DLG2: variants seen among roughly 807,000 people sequenced by gnomAD.
DLG2 encodes disks large homolog 2.
In DLG2, 45 loss-of-function variants were observed where a neutral mutation model predicts 132.5. That is an observed-to-expected ratio of 0.34 (90% CI 0.27 to 0.44). The LOEUF is 0.44. Ranked by LOEUF, DLG2 falls within the 20% of genes least tolerant of loss-of-function variation. The pLI is 1.00. For synonymous variants in DLG2, 424 were observed against 419.6 expected, an observed-to-expected ratio of 1.01 and a Z score of -0.13; for missense variants, 1,045 against 1,196.9, an observed-to-expected ratio of 0.87 and a Z score of 1.87.
intron 3 of DLG2, among the ~76,000 whole-genome samples, chr11:85,466,128 C>A (rs2092779951): frequency 6.6e-6 from 1 of 152,164 alleles, no homozygotes. Flanking sequence ...CTGTTAATAT[C>A]CTTTGCCCAC....
At chr11:84,155,068 G>GA (rs1273260609) in intron 9 of DLG2, among the ~76,000 whole-genome samples, 1 of 152,012 alleles carries the variant, frequency 6.6e-6, no homozygotes, top group African/African-American at 2.4e-5. Flanking sequence ...AAATTTACAA[G>GA]AAAAAAACAA....
intron 12 of DLG2, among the ~76,000 whole-genome samples, chr11:83,971,240 C>T (rs1443586848): frequency 6.6e-6 from 1 of 151,902 alleles, no homozygotes; most frequent in East Asian, 1.9e-4. Flanking sequence ...GTGGGGTGCA[C>T]CACACAGACG....
chr11:85,462,355 T>G (rs1039271764), intron 3 of DLG2, among the ~76,000 whole-genome samples: 1 of 152,200 alleles, frequency 6.6e-6, no homozygotes, highest in East Asian at 1.9e-4. Flanking sequence ...TGCACACATA[T>G]GTTTATTGTG....
intron 6 of DLG2, among the ~76,000 whole-genome samples, chr11:84,706,539 C>T (rs1044330714): frequency 2.0e-5 from 3 of 151,800 alleles, no homozygotes; most frequent in Non-Finnish European, 4.4e-5. Flanking sequence ...TAAGGATCTT[C>T]AAAACCATCA....
chr11:84,873,579 T>C (rs2085842903), intron 6 of DLG2, among the ~76,000 whole-genome samples: 1 of 152,328 alleles, frequency 6.6e-6, no homozygotes, highest in East Asian at 1.9e-4. Context: ...AGCCATACAA[T>C]CCTGTGTCAG....
intron 6 of DLG2, among the ~76,000 whole-genome samples, chr11:84,818,184 G>A (rs1473584225): frequency 1.3e-5 from 2 of 151,978 alleles, no homozygotes; most frequent in South Asian, 2.1e-4. Context: ...CCACGTAGAG[G>A]ACAATGACTG....
At chr11:84,035,051 C>G (rs2095824753) in intron 11 of DLG2, among the ~76,000 whole-genome samples, 1 of 152,062 alleles carries the variant, frequency 6.6e-6, no homozygotes, top group African/African-American at 2.4e-5. Flanking sequence ...CTGCTTGAAC[C>G]CTTCTGGTAA....
At chr11:83,690,988 T>C (rs2080892205) in intron 18 of DLG2, among the ~76,000 whole-genome samples, 1 of 152,188 alleles carries the variant, frequency 6.6e-6, no homozygotes, top group African/African-American at 2.4e-5. Flanking sequence ...CCCTATAAAA[T>C]ATAAAATGCT....
chr11:83,989,252 G>C (rs2093561455), intron 11 of DLG2, among the ~76,000 whole-genome samples: 1 of 152,092 alleles, frequency 6.6e-6, no homozygotes, highest in South Asian at 2.1e-4. Flanking sequence ...AGGGTTTATG[G>C]TAAGCACTGA....
chr11:85,602,254 T>C (rs1591202361), intron 2 of DLG2, among the ~76,000 whole-genome samples: 2 of 152,212 alleles, frequency 1.3e-5, no homozygotes, highest in Admixed American at 6.5e-5. Flanking sequence ...TCAAATTATA[T>C]GCAGAATCCC....
intron 6 of DLG2, among the ~76,000 whole-genome samples, chr11:84,919,102 G>A (rs1463800250): frequency 6.6e-6 from 1 of 151,998 alleles, no homozygotes; most frequent in Non-Finnish European, 1.5e-5. Context: ...TTTTAATTGA[G>A]CCCAATTTCT....
At chr11:85,628,351 GATAA>G (rs3215137), upstream of DLG2, among the ~76,000 whole-genome samples, 378 of 152,344 alleles carry the variant, frequency 2.5e-3, 9 homozygotes, top group East Asian at 0.059. Flanking sequence ...GAGCTAAGCT[GATAA>G]ATAGTCAGGG....
Position 84,401,414 on chromosome 11 carries a change from C to T in DLG2, c.519+133156G>A, listed in dbSNP as rs75047103. ...CAACCCCTGGACTGTCTCTTCAATG[C>T]GGACAAGGGCTGTTTCTATATTGCT... On this transcript the variant is annotated intron_variant, in intron 7 of 27. Transcript: ENST00000376104. 7.6e-3 allele frequency among the ~76,000 whole-genome samples: 1,158 copies of T among 152,144 alleles called. 83 individuals carry two copies. The East Asian group carries it at 0.17, about 23-fold the overall frequency.
rs377245550 is a variant in DLG2, at chr11:83,895,971, C to A, written c.1497-21483G>T. Among the ~76,000 whole-genome samples, 159 of 152,240 alleles carry A rather than the reference C, an allele frequency of 1.0e-3. 5 individuals are homozygous for A. In the South Asian group the frequency reaches 0.03, roughly 29 times the overall value. ...AGTTATATCATTTCCATTGAGTTCC[C>A]AAGCAAAAATACTCACTTTTATCAA... On this transcript the variant is annotated intron_variant, in intron 15 of 27. Coordinates refer to ENST00000376104, the MANE Select transcript of DLG2 (RefSeq NM_001142699.3).
intron 7 of DLG2, among the ~76,000 whole-genome samples, chr11:84,510,766 T>C (rs1278973184): frequency 3.3e-5 from 5 of 152,184 alleles, no homozygotes; most frequent in African/African-American, 1.2e-4. Flanking sequence ...CCTTACATAA[T>C]GGGAATTGTA....
At chr11:85,081,047 T>G (rs2067167468) in intron 6 of DLG2, among the ~76,000 whole-genome samples, 1 of 152,186 alleles carries the variant, frequency 6.6e-6, no homozygotes, top group African/African-American at 2.4e-5. Flanking sequence ...AGTTGATTTT[T>G]TTATAATTAA....
At chr11:84,522,798 T>C (rs2099308468) in intron 7 of DLG2, among the ~76,000 whole-genome samples, 2 of 152,198 alleles carry the variant, frequency 1.3e-5, no homozygotes, top group African/African-American at 2.4e-5. Context: ...GAAATAAGTG[T>C]TTTGCTGTAT....
At chr11:84,319,683 G>T (rs533431567) in intron 7 of DLG2, among the ~76,000 whole-genome samples, 7 of 152,264 alleles carry the variant, frequency 4.6e-5, no homozygotes, top group Admixed American at 2.0e-4. Context: ...GGGTTGTTCA[G>T]AATGCGCAAT....
intron 3 of DLG2, among the ~76,000 whole-genome samples, chr11:85,533,901 T>C (rs1430831924): frequency 6.6e-6 from 1 of 152,232 alleles, no homozygotes; most frequent in East Asian, 1.9e-4. Context: ...TGTTTACAAA[T>C]GTTTAAATTC....
Sources: allele counts gnomAD v4.1 joint callset (sites outside exome capture counted in the v4.1 genomes callset), GRCh38; gene constraint gnomAD v4.1.1; transcripts MANE v1.5; gene names NCBI Gene and HGNC (gene_info 2026-07-23, HGNC 2026-07-21).